The following WDR70 variants were observed in gnomAD, a reference collection of about 807,000 sequenced individuals.
The protein encoded by WDR70 is WD repeat domain 70, also known as WD repeat-containing protein 70.
Under a neutral mutation model 88.6 loss-of-function variants are expected in WDR70, and 53 were observed. That is an observed-to-expected ratio of 0.60 (90% confidence interval 0.48 to 0.75). WDR70 has a LOEUF of 0.75. WDR70 is among the 30% of genes least tolerant of loss of function. WDR70 has a pLI of 0.00. For missense variants in WDR70, 610 were observed against 823.2 expected (o/e 0.74, Z 3.17); for synonymous variants, 280 against 270.0 (o/e 1.04, Z -0.36).
chr5:37,729,744 T>G (rs1374637101), intron 17 of WDR70, among the ~76,000 whole-genome samples: 1 of 152,184 alleles, frequency 6.6e-6, no homozygotes, highest in Admixed American at 6.5e-5. Context: ...ATTTCCCTTT[T>G]TTGGGTTTTC....
intron 17 of WDR70, among the ~76,000 whole-genome samples, chr5:37,745,387 A>G (rs1054445261): frequency 2.6e-5 from 4 of 151,278 alleles, no homozygotes; most frequent in African/African-American, 7.3e-5. Context: ...GTAACCAAAT[A>G]GCATCATGAC....
Position 37,392,099 on chromosome 5 carries a change from A to G in WDR70, c.275A>G (p.Asp92Gly), listed in dbSNP as rs1748844683. The stretch of plus-strand genomic sequence containing the variant: ...TCCTCAAGATCAAATGTGGTCAGAG[A>G]TTGCTCCAAATCATCTTCCAGGTGC... ...PTSSRSNVVR[D>G]CSKSSSRDTS... The change falls in exon 4 of 18, where the codon GAT (aspartate) becomes GGT (glycine). Residue 92 changes from aspartate to glycine, a missense_variant. Physicochemically the swap from Asp to Gly is moderately conservative, Grantham distance 94. Transcript: ENST00000265107. 1 of 1,611,048 alleles carries G rather than the reference A, an allele frequency of 6.2e-7. No homozygotes were observed. Among genetic ancestry groups the G allele is most frequent in the South Asian group, 1.1e-5 (1 of 89,864 alleles).
At chr5:37,581,755 C>T (rs1246154901) in intron 9 of WDR70, among the ~76,000 whole-genome samples, 1 of 152,182 alleles carries the variant, frequency 6.6e-6, no homozygotes, top group African/African-American at 2.4e-5. Context: ...AGACCCTTGT[C>T]ACCCTAACCC....
intron 9 of WDR70, among the ~76,000 whole-genome samples, chr5:37,533,519 G>C (rs1741565336): frequency 6.8e-6 from 1 of 146,572 alleles, no homozygotes; most frequent in East Asian, 2.0e-4. Context: ...GGAATACCTG[G>C]TTAAGTATTC....
At chr5:37,620,315 C>T (rs538752750) in intron 10 of WDR70, among the ~76,000 whole-genome samples, 2 of 152,084 alleles carry the variant, frequency 1.3e-5, no homozygotes, top group East Asian at 3.9e-4. Context: ...AAGGTTTTGA[C>T]CTGGGTGGTA....
intron 10 of WDR70, among the ~76,000 whole-genome samples, chr5:37,610,282 A>C (rs1356225504): frequency 6.6e-6 from 1 of 151,946 alleles, no homozygotes; most frequent in African/African-American, 2.4e-5. Flanking sequence ...AAAAAAAAAA[A>C]AAATTTGTTT....
chr5:37,636,670 G>A (rs77592423), intron 10 of WDR70, among the ~76,000 whole-genome samples: 10,167 of 152,256 alleles, frequency 0.067, 412 homozygotes, highest in South Asian at 0.14. Flanking sequence ...TTACAAAAAT[G>A]TGTAGCCTTA....
intron 10 of WDR70, among the ~76,000 whole-genome samples, chr5:37,663,823 T>C (rs1287936065): frequency 1.3e-5 from 2 of 152,196 alleles, no homozygotes; most frequent in South Asian, 2.1e-4. Context: ...TGCCTGATTA[T>C]GTCCTTCCTG....
chr5:37,427,147 T>C (rs890840535), intron 5 of WDR70, among the ~76,000 whole-genome samples: 11 of 152,086 alleles, frequency 7.2e-5, no homozygotes, highest in African/African-American at 2.7e-4. Context: ...CCCAACACTT[T>C]GGGAGGCTGA....
intron 6 of WDR70, among the ~76,000 whole-genome samples, chr5:37,442,169 C>T (rs1183318974): frequency 6.6e-6 from 1 of 150,632 alleles, no homozygotes; most frequent in Non-Finnish European, 1.5e-5. Context: ...TCTCAAATAG[C>T]TGGGATTACA....
chr5:37,632,355 C>G (rs541935530), intron 10 of WDR70, among the ~76,000 whole-genome samples: 8 of 152,080 alleles, frequency 5.3e-5, no homozygotes, highest in African/African-American at 1.9e-4. Flanking sequence ...TTTAAAAAAG[C>G]AGTTGACTGT....
intron 8 of WDR70, among the ~76,000 whole-genome samples, chr5:37,481,567 C>A (rs1349546729): frequency 1.3e-5 from 2 of 151,990 alleles, no homozygotes; most frequent in African/African-American, 4.8e-5. Flanking sequence ...CACCAAGTTA[C>A]TAGGCTGCAC....
At chr5:37,566,302 T>G (rs1043281376) in intron 9 of WDR70, among the ~76,000 whole-genome samples, 16 of 92,662 alleles carry the variant, frequency 1.7e-4, no homozygotes, top group Non-Finnish European at 5.9e-5. Flanking sequence ...TTTCCTCCTG[T>G]GATAATAGCT....
intron 9 of WDR70, among the ~76,000 whole-genome samples, chr5:37,588,006 A>G (rs950292820): frequency 6.6e-6 from 1 of 152,086 alleles, no homozygotes; most frequent in African/African-American, 2.4e-5. Flanking sequence ...TGTTCTATTC[A>G]TCCTGGTTTC....
intron 8 of WDR70, among the ~76,000 whole-genome samples, chr5:37,513,330 T>C (rs1029839941): frequency 2.0e-5 from 3 of 151,986 alleles, no homozygotes; most frequent in African/African-American, 7.3e-5. Flanking sequence ...AAGGAGCCAG[T>C]CATGAGAAAG....
intron 10 of WDR70, among the ~76,000 whole-genome samples, chr5:37,678,638 A>C (rs370208285): frequency 2.0e-5 from 3 of 151,804 alleles, no homozygotes; most frequent in African/African-American, 7.3e-5. Context: ...TGGGTAACCC[A>C]ACCTTTCTCT....
chr5:37,454,928 G>GT (rs753755411), intron 7 of WDR70, among the ~76,000 whole-genome samples: 4 of 152,146 alleles, frequency 2.6e-5, no homozygotes, highest in Non-Finnish European at 5.9e-5. Flanking sequence ...TTGACCCTTA[G>GT]TTTCCTTGCC....
At chr5:37,675,185 C>G (rs907298335) in intron 10 of WDR70, among the ~76,000 whole-genome samples, 1 of 151,874 alleles carries the variant, frequency 6.6e-6, no homozygotes, top group African/African-American at 2.4e-5. Flanking sequence ...TTGTAGGTTG[C>G]CTGTTCACTC....
At chr5:37,522,495 G>T (rs1384684385) in intron 9 of WDR70, among the ~76,000 whole-genome samples, 1 of 141,864 alleles carries the variant, frequency 7.0e-6, no homozygotes, top group South Asian at 2.3e-4. Context: ...AAAAAAAAAA[G>T]GTGGCAGTTC....
Sources: gnomAD v4.1 joint callset for allele counts (sites outside exome capture counted in the v4.1 genomes callset) on GRCh38, gnomAD v4.1.1 for gene constraint, MANE v1.5 for transcripts, NCBI Gene and HGNC (gene_info 2026-07-23, HGNC 2026-07-21) for gene names.